Variants in SYT10 observed in about 807,000 individuals in gnomAD.
SYT10 encodes the protein synaptotagmin-10.
A neutral mutation model predicts 51.1 loss-of-function variants in SYT10; 31 were observed. That is an observed-to-expected ratio of 0.61 (90% CI 0.46 to 0.82). The LOEUF (loss-of-function observed/expected upper bound fraction) is 0.82. Ranked by LOEUF, SYT10 falls within the 40% of genes least tolerant of loss-of-function variation. SYT10 has a pLI of 0.00. For missense variants in SYT10, 603 were observed against 634.0 expected, an observed-to-expected ratio of 0.95 and a Z score of 0.53; for synonymous variants, 233 against 225.9, an observed-to-expected ratio of 1.03 and a Z score of -0.28.
At chr12:33,390,310 G>A (rs376400038) in intron 3 of SYT10, among the ~76,000 whole-genome samples, 15 of 152,178 alleles carry the variant, frequency 9.9e-5, no homozygotes, top group African/African-American at 3.1e-4. Flanking sequence ...GAGCGTATCA[G>A]GCTTGATCTA....
intron 6 of SYT10, among the ~76,000 whole-genome samples, chr12:33,377,865 T>A (rs923246344): frequency 1.8e-4 from 27 of 151,960 alleles, no homozygotes; most frequent in African/African-American, 6.5e-4. Flanking sequence ...TGACCTCAAG[T>A]GATCCACCCG....
intron 2 of SYT10, among the ~76,000 whole-genome samples, chr12:33,412,043 T>C (rs1306116979): frequency 6.6e-6 from 1 of 152,158 alleles, no homozygotes; most frequent in African/African-American, 2.4e-5. Context: ...CTTTCAGTTA[T>C]GCAACAAGCT....
intron 6 of SYT10, among the ~76,000 whole-genome samples, chr12:33,377,437 A>T (rs1382837133): frequency 6.6e-6 from 1 of 151,924 alleles, no homozygotes; most frequent in Non-Finnish European, 1.5e-5. Context: ...AAGAGGTTCT[A>T]AACACAAGAG....
At chr12:33,397,020 T>C (rs1418311641) in intron 3 of SYT10, among the ~76,000 whole-genome samples, 1 of 152,228 alleles carries the variant, frequency 6.6e-6, no homozygotes, top group Non-Finnish European at 1.5e-5. Flanking sequence ...CGGCTCTTTC[T>C]AACTTTCTGT....
At chr12:33,410,536 G>A (rs1351752052) in intron 2 of SYT10, among the ~76,000 whole-genome samples, 2 of 120,900 alleles carry the variant, frequency 1.7e-5, no homozygotes, top group African/African-American at 3.3e-5. Context: ...AGGACCTATC[G>A]TTCAATACAT....
intron 3 of SYT10, among the ~76,000 whole-genome samples, chr12:33,389,249 C>A (rs976631378): frequency 3.9e-5 from 6 of 152,042 alleles, no homozygotes; most frequent in African/African-American, 1.4e-4. Context: ...GGGAGCTTGG[C>A]AGAGTGGAAA....
At chr12:33,384,831 C>T (rs941847588) in intron 4 of SYT10, among the ~76,000 whole-genome samples, 1 of 152,162 alleles carries the variant, frequency 6.6e-6, no homozygotes, top group African/African-American at 2.4e-5. Flanking sequence ...TGGCCTCACT[C>T]ATCGCTTAAG....
intron 2 of SYT10, among the ~76,000 whole-genome samples, chr12:33,419,573 T>C (rs2138426634): frequency 6.6e-6 from 1 of 152,286 alleles, no homozygotes; most frequent in Non-Finnish European, 1.5e-5. Flanking sequence ...GTTCAGTTAT[T>C]CTGAACTTAA....
chr12:33,385,315 G>A (rs371446523), intron 3 of SYT10, 24 bp from the exon 4 acceptor site: 3 of 1,610,364 alleles, frequency 1.9e-6, no homozygotes, highest in Non-Finnish European at 2.5e-6. Context: ...CGGCATGTTA[G>A]CAATTTCAAA....
At chr12:33,381,291 TC>T (rs565028983) in intron 5 of SYT10, among the ~76,000 whole-genome samples, 360 of 151,938 alleles carry the variant, frequency 2.4e-3, no homozygotes, top group Non-Finnish European at 4.2e-3. Flanking sequence ...TTTCAGTGTT[TC>T]CCCCCCTAGC....
At position 33,416,585 on chromosome 12, in the gene SYT10, A is replaced by G. The variant is rs532374564; in HGVS notation, c.510-9229T>C. Among the ~76,000 whole-genome samples the G allele has an allele frequency of 2.6e-5, 4 of 152,158 alleles. No individual in the cohort carries two copies. In the East Asian group the frequency reaches 7.7e-4, roughly 29 times the overall value. ...TCCGACAATCTAAGTGTTTCTTCCA[A>G]CCCTTTGGCCTCTAGGTTCAATGAA... On this transcript the variant is annotated intron_variant, in intron 2 of 6. Transcript: ENST00000228567.
intron 2 of SYT10, among the ~76,000 whole-genome samples, chr12:33,410,654 T>G (rs941350448): frequency 6.6e-6 from 1 of 152,190 alleles, no homozygotes; most frequent in African/African-American, 2.4e-5. Context: ...CTGCTCAGCT[T>G]CACCCAAAGA....
chr12:33,407,476 T>A (rs1866369327), intron 2 of SYT10, 120 bp from the exon 3 acceptor site: 2 of 1,005,306 alleles, frequency 2.0e-6, no homozygotes, highest in East Asian at 2.5e-5. Flanking sequence ...TATATCTACA[T>A]AGATAGACAC....
intron 2 of SYT10, chr12:33,408,194 T>A (rs1335388723): frequency 3.3e-5 from 5 of 152,314 alleles, no homozygotes; most frequent in South Asian, 4.1e-4. Flanking sequence ...CATTTTCTTA[T>A]AATGAGTTGT....
chr12:33,413,779 C>T (rs1040645318), intron 2 of SYT10, among the ~76,000 whole-genome samples: 29 of 152,238 alleles, frequency 1.9e-4, no homozygotes, highest in African/African-American at 5.8e-4. Context: ...CATCAACTAA[C>T]GAGCAAAATA....
chr12:33,391,030 G>A (rs1438230687), intron 3 of SYT10, among the ~76,000 whole-genome samples: 5 of 152,074 alleles, frequency 3.3e-5, no homozygotes, highest in Non-Finnish European at 7.4e-5. Context: ...TCTGCCTCCT[G>A]GGTTCAAGCA....
Position 33,376,797 on chromosome 12 carries a change from G to T in SYT10, c.*33C>A, listed in dbSNP as rs11052655. Reference sequence around the variant, plus strand: ...CTGATTCAATGAGCACGTGATCCTAGATGCTTAATATCATGGTCTCATTTT... The same window carrying T: ...CTGATTCAATGAGCACGTGATCCTATATGCTTAATATCATGGTCTCATTTT... On this transcript the variant is annotated 3_prime_UTR_variant, in exon 7 of 7. Coordinates refer to ENST00000228567, the MANE Select transcript of SYT10 (RefSeq NM_198992.4). 6.2e-7 allele frequency: 1 copy of T among 1,611,644 alleles called. No homozygotes were observed. Among genetic ancestry groups the T allele is most frequent in the South Asian group, 1.1e-5 (1 of 91,002 alleles).
At chr12:33,422,826 C>CTTG (rs746188681) in intron 2 of SYT10, among the ~76,000 whole-genome samples, 24 of 152,082 alleles carry the variant, frequency 1.6e-4, no homozygotes, top group Non-Finnish European at 2.8e-4. Flanking sequence ...ATAGCTGGCA[C>CTTG]TTGTAATTCC....
chr12:33,385,057 T>C (rs981200883), intron 4 of SYT10, 114 bp downstream of exon 4: 16 of 1,280,224 alleles, frequency 1.2e-5, no homozygotes, highest in Non-Finnish European at 2.1e-6. Context: ...TTTTTTTTTC[T>C]TTTGTAGTAC....
Sources: allele counts gnomAD v4.1 joint callset (sites outside exome capture counted in the v4.1 genomes callset), GRCh38; gene constraint gnomAD v4.1.1; transcripts MANE v1.5; gene names NCBI Gene and HGNC (gene_info 2026-07-23, HGNC 2026-07-21).